Variants in MARCHF10 observed in about 807,000 individuals in gnomAD.
MARCHF10 encodes probable E3 ubiquitin-protein ligase MARCHF10.
In MARCHF10, 64 loss-of-function variants were observed where a neutral mutation model predicts 76.2. The ratio of observed to expected loss-of-function variants is 0.84; its 90% confidence interval spans 0.69 to 1.03. MARCHF10 has a LOEUF of 1.03. Ranked by LOEUF, MARCHF10 falls within the 50% of genes least tolerant of loss-of-function variation. The pLI is 0.00. For synonymous variants in MARCHF10, 340 were observed against 357.5 expected (o/e 0.95, Z 0.55); for missense variants, 875 against 958.0 (o/e 0.91, Z 1.14).
At chr17:62,709,136 C>T (rs1396535130) in intron 9 of MARCHF10, among the ~76,000 whole-genome samples, 3 of 152,184 alleles carry the variant, frequency 2.0e-5, no homozygotes, top group African/African-American at 7.2e-5. Flanking sequence ...CATCTCCGCA[C>T]CTGGTACAGG....
At chr17:62,726,944 T>A (rs2090785374) in intron 6 of MARCHF10, among the ~76,000 whole-genome samples, 1 of 152,166 alleles carries the variant, frequency 6.6e-6, no homozygotes, top group Non-Finnish European at 1.5e-5. Flanking sequence ...AGATTTTTAA[T>A]TTAGGCAACT....
chr17:62,806,309 G>A (rs956691472), intron 1 of MARCHF10: 2 of 152,172 alleles, frequency 1.3e-5, no homozygotes, highest in African/African-American at 4.8e-5. Flanking sequence ...CAACCAGATG[G>A]CCACTTGAAG....
intron 4 of MARCHF10, among the ~76,000 whole-genome samples, chr17:62,751,217 CTG>C (rs1228334752): frequency 1.3e-5 from 2 of 152,162 alleles, no homozygotes; most frequent in Non-Finnish European, 2.9e-5. Flanking sequence ...CCCCTCACGC[CTG>C]ACAAATCTCA....
At chr17:62,703,059 T>C (rs769489265) in intron 10 of MARCHF10, among the ~76,000 whole-genome samples, 19 of 152,234 alleles carry the variant, frequency 1.2e-4, no homozygotes, top group Non-Finnish European at 1.9e-4. Context: ...GCAGCTGTCC[T>C]GGTGCTGGTT....
At chr17:62,769,305 C>T (rs2092397730) in intron 3 of MARCHF10, among the ~76,000 whole-genome samples, 3 of 152,218 alleles carry the variant, frequency 2.0e-5, no homozygotes, top group Admixed American at 1.3e-4. Flanking sequence ...ATTGAATAGC[C>T]TGTCCCTAAG....
chr17:62,729,865 T>C (rs1442171498), intron 6 of MARCHF10, among the ~76,000 whole-genome samples: 1 of 145,142 alleles, frequency 6.9e-6, no homozygotes, highest in East Asian at 2.0e-4. Flanking sequence ...TGAGCCACCA[T>C]GCTCAGCCCT....
intron 4 of MARCHF10, among the ~76,000 whole-genome samples, chr17:62,749,806 T>G (rs764179712): frequency 2.0e-5 from 3 of 152,202 alleles, no homozygotes; most frequent in Non-Finnish European, 4.4e-5. Context: ...TTGGTTCCAG[T>G]GTGTGCCTTC....
At chr17:62,722,450 A>T in intron 8 of MARCHF10, 38 bp downstream of exon 8, 1 of 1,457,730 alleles carries the variant, frequency 6.9e-7, no homozygotes, top group Non-Finnish European at 9.6e-7. Flanking sequence ...CCTCTAACAT[A>T]CTTTAACCTG....
intron 8 of MARCHF10, among the ~76,000 whole-genome samples, chr17:62,721,524 T>C (rs1370049588): frequency 2.0e-5 from 3 of 152,104 alleles, no homozygotes; most frequent in Non-Finnish European, 1.5e-5. Flanking sequence ...TTGTGGATAT[T>C]GCCAACAAAA....
At chr17:62,764,484 G>C (rs2147974110) in intron 3 of MARCHF10, among the ~76,000 whole-genome samples, 1 of 152,338 alleles carries the variant, frequency 6.6e-6, no homozygotes, top group Admixed American at 6.5e-5. Flanking sequence ...GCGCCAGACT[G>C]TGTTGAGTAC....
In MARCHF10 at chr17:62,744,425, G is replaced by T; in HGVS notation, c.486C>A (p.Ser162Arg). The T allele has an allele frequency of 6.2e-7, 1 of 1,614,160 alleles. No homozygotes were observed. Among genetic ancestry groups the T allele is most frequent in the Non-Finnish European group, 8.5e-7 (1 of 1,180,036 alleles). The change falls in exon 5 of 11, where the codon AGC (serine) becomes AGA (arginine). Residue 162 changes from serine to arginine, a missense_variant. By Grantham distance (110) the Ser-to-Arg change is moderately radical. Transcript: ENST00000311269. ...TTGCAGGCCACTGCTGTTTCTGTCT[G>T]CTTCTGTCCCCAGATGCTCTCGGGC... ...SHSPRASGDR[S>R]RQKQQWPAKV...
intron 3 of MARCHF10, among the ~76,000 whole-genome samples, chr17:62,778,185 A>C (rs1233345768): frequency 6.6e-6 from 1 of 152,208 alleles, no homozygotes; most frequent in African/African-American, 2.4e-5. Context: ...GAGAAGCTCC[A>C]GAAACTTTTT....
In MARCHF10 at chr17:62,798,501, C is replaced by T. The variant is rs115061734; in HGVS notation, c.90+3145G>A. Reference sequence around the variant, plus strand: ...ATGTTTGAGAAGAAAGGAGTAATAACGTCAAAGGTAGTTAAGACTGCAGAA... The same window carrying T: ...ATGTTTGAGAAGAAAGGAGTAATAATGTCAAAGGTAGTTAAGACTGCAGAA... On this transcript the variant is annotated intron_variant, in intron 2 of 10. Transcript: ENST00000311269. 3.6e-3 allele frequency among the ~76,000 whole-genome samples: 539 copies of T among 148,246 alleles called. 2 individuals carry two copies. The highest frequency in any genetic ancestry group is 0.013 in the African/African-American group (519 of 40,200).
intron 2 of MARCHF10, among the ~76,000 whole-genome samples, chr17:62,791,351 C>G (rs2148135202): frequency 6.6e-6 from 1 of 152,306 alleles, no homozygotes. Context: ...GAAGAAAATG[C>G]TGATGGGCTG....
At chr17:62,783,690 A>G (rs1209937389) in intron 3 of MARCHF10, among the ~76,000 whole-genome samples, 1 of 152,172 alleles carries the variant, frequency 6.6e-6, no homozygotes, top group East Asian at 1.9e-4. Flanking sequence ...GATAAAGGGG[A>G]TATCACCACC....
intron 4 of MARCHF10, chr17:62,746,827 A>G (rs1019551414): frequency 2.2e-6 from 3 of 1,381,034 alleles, no homozygotes; most frequent in Non-Finnish European, 3.0e-6. Flanking sequence ...AGAACTTCAC[A>G]CTGCCCAGAG....
chr17:62,729,659 G>A (rs1249326993), intron 6 of MARCHF10, among the ~76,000 whole-genome samples: 5 of 151,344 alleles, frequency 3.3e-5, no homozygotes, highest in Admixed American at 2.6e-4. Flanking sequence ...CTGTAGACTC[G>A]ACCTTCTGGG....
chr17:62,801,908 T>G (rs574094469), intron 1 of MARCHF10, among the ~76,000 whole-genome samples, 156 bp from the exon 2 acceptor site: 4 of 152,234 alleles, frequency 2.6e-5, no homozygotes, highest in Admixed American at 6.5e-5. Flanking sequence ...AGGGACTTCT[T>G]GTGTTGCTGT....
intron 3 of MARCHF10, among the ~76,000 whole-genome samples, chr17:62,776,667 T>C (rs892791951): frequency 3.9e-5 from 6 of 152,132 alleles, no homozygotes; most frequent in African/African-American, 1.2e-4. Context: ...TATAACCTGA[T>C]CATAAAAGAA....
Sources: allele counts gnomAD v4.1 joint callset (sites outside exome capture counted in the v4.1 genomes callset), GRCh38; gene constraint gnomAD v4.1.1; transcripts MANE v1.5; gene names NCBI Gene and HGNC (gene_info 2026-07-23, HGNC 2026-07-21).